The following IL1RAPL2 variants were observed in gnomAD, a reference collection of about 807,000 sequenced individuals.
The protein encoded by IL1RAPL2 is interleukin 1 receptor accessory protein like 2, also known as X-linked interleukin-1 receptor accessory protein-like 2.
In IL1RAPL2, 3 loss-of-function variants were observed where a neutral mutation model predicts 44.1. The ratio of observed to expected loss-of-function variants is 0.07; its 90% CI spans 0.03 to 0.18. IL1RAPL2 has a LOEUF of 0.18. Among genes scored for constraint, IL1RAPL2 ranks in the 10% least tolerant of loss-of-function variants. IL1RAPL2 has a pLI of 1.00. For missense variants in IL1RAPL2, 391 were observed against 496.4 expected, an observed-to-expected ratio of 0.79 and a Z score of 2.02; for synonymous variants, 181 against 178.8, an observed-to-expected ratio of 1.01 and a Z score of -0.10.
intron 1 of IL1RAPL2, among the ~76,000 whole-genome samples, chrX:104,653,116 G>A (rs1386522505): frequency 9.0e-6 from 1 of 111,195 alleles, no homozygotes; most frequent in African/African-American, 3.3e-5. Flanking sequence ...ACAGCCTGCT[G>A]ATGGGAGGCT....
chrX:105,084,464 C>T (rs1015494845), intron 2 of IL1RAPL2, among the ~76,000 whole-genome samples: 4 of 112,827 alleles, frequency 3.5e-5, no homozygotes, highest in East Asian at 2.8e-4. Flanking sequence ...ATCAGTTCAG[C>T]GTTTTAATAT....
intron 1 of IL1RAPL2, among the ~76,000 whole-genome samples, chrX:104,608,449 T>A (rs138302914): frequency 0.011 from 1,229 of 110,615 alleles, 21 homozygotes; most frequent in African/African-American, 0.038. Context: ...AAGTTTCCCA[T>A]TATTATTGTG....
chrX:104,726,984 A>AT (rs199877961), intron 2 of IL1RAPL2, among the ~76,000 whole-genome samples: 5 of 109,833 alleles, frequency 4.6e-5, no homozygotes, highest in African/African-American at 1.3e-4. Flanking sequence ...AGACCTGAAA[A>AT]TTAAAAAAAA....
intron 1 of IL1RAPL2, among the ~76,000 whole-genome samples, chrX:104,580,786 T>C: frequency 8.9e-6 from 1 of 111,851 alleles, no homozygotes. Context: ...TCAATAATAT[T>C]TTCTATCTCT....
At chrX:104,676,918 A>T (rs1475721186) in intron 2 of IL1RAPL2, among the ~76,000 whole-genome samples, 9 of 111,137 alleles carry the variant, frequency 8.1e-5, no homozygotes, top group Non-Finnish European at 1.7e-4. Flanking sequence ...TGCATTCTTC[A>T]CGTAGTTCTC....
intron 6 of IL1RAPL2, among the ~76,000 whole-genome samples, chrX:105,628,112 G>A (rs1569459825): frequency 9.0e-6 from 1 of 111,681 alleles, no homozygotes; most frequent in Non-Finnish European, 1.9e-5. Context: ...AGACTTGCAG[G>A]CTGCCCTGGG....
intron 2 of IL1RAPL2, among the ~76,000 whole-genome samples, chrX:105,120,190 C>G (rs191949051): frequency 9.4e-6 from 1 of 106,496 alleles, no homozygotes; most frequent in East Asian, 2.9e-4. Flanking sequence ...AAGGAAAATT[C>G]ATTTAAACCA....
intron 1 of IL1RAPL2, among the ~76,000 whole-genome samples, chrX:104,658,254 G>C (rs752109006): frequency 3.6e-5 from 4 of 112,315 alleles, no homozygotes; most frequent in South Asian, 7.4e-4. Context: ...AGAATATTTG[G>C]CACATATACA....
At chrX:105,233,299 A>G (rs782044951) in intron 3 of IL1RAPL2, among the ~76,000 whole-genome samples, 15 of 111,900 alleles carry the variant, frequency 1.3e-4, no homozygotes, top group Non-Finnish European at 2.3e-4. Context: ...AAATCTGAAT[A>G]GTTAACAGGT....
chrX:104,838,848 T>C (rs1398346399), intron 2 of IL1RAPL2, among the ~76,000 whole-genome samples: 1 of 15,513 alleles, frequency 6.4e-5, no homozygotes, highest in Non-Finnish European at 1.2e-4. Flanking sequence ...TCTTTCTTTC[T>C]TTTTTTTTTT....
Position 105,758,409 on chromosome X carries a change from A to ATCTCTCTCTC in IL1RAPL2, c.1363+3079_1363+3088dup, listed in dbSNP as rs59823277. Among the ~76,000 whole-genome samples the ATCTCTCTCTC allele has an allele frequency of 2.1e-3, 213 of 102,398 alleles. 3 individuals carry two copies. Among genetic ancestry groups the ATCTCTCTCTC allele is most frequent in the African/African-American group, 7.5e-3 (205 of 27,397 alleles). The allele number at this position is 102,398 out of a possible 115,157, so 88.9% of individuals were successfully genotyped here. The stretch of plus-strand genomic sequence containing the variant: ...TACACAGTTTCGAAAGTACATGAAA[A>ATCTCTCTCTC]TCTCTCTCTCTCTCTCTCTCTCTCT... On this transcript the variant is annotated intron_variant, in intron 10 of 10. Transcript: ENST00000372582.
At chrX:105,056,670 C>T (rs1385625796) in intron 2 of IL1RAPL2, among the ~76,000 whole-genome samples, 4 of 111,336 alleles carry the variant, frequency 3.6e-5, no homozygotes, top group Non-Finnish European at 5.7e-5. Flanking sequence ...ACTTTCTCTT[C>T]CCCTGGACCT....
chrX:105,025,424 T>G (rs1222048725), intron 2 of IL1RAPL2, among the ~76,000 whole-genome samples: 1 of 111,711 alleles, frequency 9.0e-6, no homozygotes, highest in African/African-American at 3.2e-5. Flanking sequence ...GATTAGACTT[T>G]ATCTTTGACT....
At chrX:104,821,617 T>G (rs1921305292) in intron 2 of IL1RAPL2, among the ~76,000 whole-genome samples, 1 of 112,436 alleles carries the variant, frequency 8.9e-6, no homozygotes, top group Admixed American at 9.5e-5. Context: ...GGTGTATATG[T>G]ACCACATTTT....
At chrX:105,428,218 CA>C (rs1431979756) in intron 5 of IL1RAPL2, among the ~76,000 whole-genome samples, 2 of 111,550 alleles carry the variant, frequency 1.8e-5, no homozygotes, top group Non-Finnish European at 3.8e-5. Flanking sequence ...TACATATAGA[CA>C]GTACTAATAT....
At chrX:105,681,331 G>A (rs893719824) in intron 6 of IL1RAPL2, among the ~76,000 whole-genome samples, 16 of 111,684 alleles carry the variant, frequency 1.4e-4, no homozygotes, top group Admixed American at 1.1e-3. Flanking sequence ...CCTTCAGTTC[G>A]AAGTATTCAG....
chrX:105,632,143 A>C (rs1442402453), intron 6 of IL1RAPL2, among the ~76,000 whole-genome samples: 1 of 110,933 alleles, frequency 9.0e-6, no homozygotes, highest in Admixed American at 9.6e-5. Context: ...AAACTAAAGA[A>C]GACACCGGAC....
intron 6 of IL1RAPL2, among the ~76,000 whole-genome samples, chrX:105,597,905 C>CA (rs1382534410): frequency 9.1e-6 from 1 of 110,480 alleles, no homozygotes; most frequent in Non-Finnish European, 1.9e-5. Flanking sequence ...CATTTTTTTT[C>CA]AAAAAAATTA....
At chrX:105,416,036 A>T (rs1255237117) in intron 5 of IL1RAPL2, among the ~76,000 whole-genome samples, 4 of 111,810 alleles carry the variant, frequency 3.6e-5, no homozygotes, top group Non-Finnish European at 7.5e-5. Flanking sequence ...ATTAAGATTG[A>T]TCTACTCATT....
Sources: gnomAD v4.1 joint callset for allele counts (sites outside exome capture counted in the v4.1 genomes callset) on GRCh38, gnomAD v4.1.1 for gene constraint, MANE v1.5 for transcripts, NCBI Gene and HGNC (gene_info 2026-07-23, HGNC 2026-07-21) for gene names.